LUZP2: variants seen among roughly 807,000 people sequenced by gnomAD.
LUZP2 encodes leucine zipper protein 2.
LUZP2 carries 52 observed loss-of-function variants against 51.6 expected under a neutral mutation model. The ratio of observed to expected loss-of-function variants is 1.01; its 90% CI spans 0.81 to 1.27. The LOEUF (loss-of-function observed/expected upper bound fraction) is 1.27, where lower values mean the gene tolerates loss of function less well. Among genes scored for constraint, LUZP2 ranks in the 50% most tolerant of loss-of-function variants. The pLI is 0.00. For synonymous variants in LUZP2, 154 were observed against 137.3 expected (o/e 1.12, Z -0.85); for missense variants, 436 against 395.4 (o/e 1.10, Z -0.87).
intron 5 of LUZP2, among the ~76,000 whole-genome samples, chr11:24,833,097 T>A (rs2134182764): frequency 6.6e-6 from 1 of 152,316 alleles, no homozygotes; most frequent in Middle Eastern, 3.4e-3. Flanking sequence ...CTACTTTGAT[T>A]TTGTATTTAC....
chr11:24,890,289 T>C (rs1852804529), intron 5 of LUZP2, among the ~76,000 whole-genome samples: 1 of 152,192 alleles, frequency 6.6e-6, no homozygotes, highest in Non-Finnish European at 1.5e-5. Context: ...AAAATAATTA[T>C]TCTACTGTTT....
intron 5 of LUZP2, among the ~76,000 whole-genome samples, chr11:24,898,040 A>G (rs576582378): frequency 6.6e-6 from 1 of 152,336 alleles, no homozygotes; most frequent in South Asian, 2.1e-4. Flanking sequence ...ACAGATGCCT[A>G]GTAACATATA....
At chr11:24,914,197 G>A (rs1853726932) in intron 6 of LUZP2, among the ~76,000 whole-genome samples, 1 of 152,188 alleles carries the variant, frequency 6.6e-6, no homozygotes, top group African/African-American at 2.4e-5. Flanking sequence ...CTGGGTGACA[G>A]AAATTTTGTG....
chr11:24,768,446 C>T (rs1313130458), intron 5 of LUZP2, among the ~76,000 whole-genome samples: 1 of 152,152 alleles, frequency 6.6e-6, no homozygotes, highest in African/African-American at 2.4e-5. Flanking sequence ...GGATAATGTT[C>T]AGGGCTTTTG....
At chr11:24,730,611 G>A (rs1406349553) in intron 2 of LUZP2, among the ~76,000 whole-genome samples, 1 of 151,744 alleles carries the variant, frequency 6.6e-6, no homozygotes, top group African/African-American at 2.4e-5. Flanking sequence ...GAATAAGACT[G>A]GGAAGAATAC....
intron 1 of LUZP2, among the ~76,000 whole-genome samples, chr11:24,666,523 T>C (rs1856217467): frequency 6.6e-6 from 1 of 152,182 alleles, no homozygotes; most frequent in Non-Finnish European, 1.5e-5. Flanking sequence ...AGACCTCCAT[T>C]GAAAATAGCT....
intron 1 of LUZP2, among the ~76,000 whole-genome samples, chr11:24,513,321 A>G (rs1007775129): frequency 6.6e-6 from 1 of 152,198 alleles, no homozygotes; most frequent in African/African-American, 2.4e-5. Flanking sequence ...AAACATCTAT[A>G]TTTGAAAGAA....
At chr11:24,880,896 C>T (rs1049292054) in intron 5 of LUZP2, among the ~76,000 whole-genome samples, 4 of 152,084 alleles carry the variant, frequency 2.6e-5, no homozygotes, top group African/African-American at 9.7e-5. Context: ...CTATTGCAGG[C>T]AGTAATATGT....
intron 9 of LUZP2, among the ~76,000 whole-genome samples, chr11:25,019,211 G>A (rs545236611): frequency 8.6e-5 from 13 of 151,886 alleles, no homozygotes; most frequent in South Asian, 4.1e-4. Flanking sequence ...ATTTATCTTC[G>A]TTATACATGA....
intron 1 of LUZP2, among the ~76,000 whole-genome samples, chr11:24,686,934 T>C (rs906450750): frequency 6.6e-6 from 1 of 152,138 alleles, no homozygotes; most frequent in Non-Finnish European, 1.5e-5. Context: ...TTAGCAATCA[T>C]TTGACCACTG....
intron 1 of LUZP2, among the ~76,000 whole-genome samples, chr11:24,652,628 T>C (rs1436485158): frequency 6.6e-6 from 1 of 152,154 alleles, no homozygotes; most frequent in African/African-American, 2.4e-5. Flanking sequence ...TTCAGTATTC[T>C]AGATGAAGGT....
chr11:25,056,019 CAAT>C (rs1473555052), intron 10 of LUZP2, among the ~76,000 whole-genome samples: 1 of 152,058 alleles, frequency 6.6e-6, no homozygotes, highest in African/African-American at 2.4e-5. Flanking sequence ...CAAAAAACCT[CAAT>C]AAGTATTTTG....
intron 5 of LUZP2, among the ~76,000 whole-genome samples, chr11:24,803,941 G>A (rs2134121600): frequency 6.8e-6 from 1 of 147,708 alleles, no homozygotes; most frequent in African/African-American, 2.5e-5. Context: ...GGAAACATAG[G>A]AGATTAGAAT....
At chr11:24,826,448 T>C (rs2134169239) in intron 5 of LUZP2, among the ~76,000 whole-genome samples, 1 of 151,798 alleles carries the variant, frequency 6.6e-6, no homozygotes, top group East Asian at 1.9e-4. Context: ...ACACACTATG[T>C]CGAGCCTTCC....
intron 1 of LUZP2, among the ~76,000 whole-genome samples, chr11:24,526,422 G>A (rs549089256): frequency 2.0e-4 from 30 of 148,094 alleles, no homozygotes; most frequent in African/African-American, 7.1e-4. Flanking sequence ...ATTAAACTTT[G>A]GATTTGGGAT....
At chr11:25,001,846 T>C (rs981141857) in intron 9 of LUZP2, among the ~76,000 whole-genome samples, 16 of 151,528 alleles carry the variant, frequency 1.1e-4, no homozygotes, top group East Asian at 1.9e-4. Context: ...TGTTTCTTCC[T>C]CTCTCTCTCT....
chr11:24,764,195 G>A (rs1317830329), intron 5 of LUZP2, among the ~76,000 whole-genome samples: 3 of 152,144 alleles, frequency 2.0e-5, no homozygotes, highest in Admixed American at 2.0e-4. Context: ...ATATGCACAT[G>A]CACACGTGCG....
At chr11:24,892,463 A>T (rs1040869696) in intron 5 of LUZP2, 4 of 856,604 alleles carry the variant, frequency 4.7e-6, no homozygotes, top group Non-Finnish European at 5.6e-6. Flanking sequence ...TACCATCCAG[A>T]AAAAGTTAAA....
intron 1 of LUZP2, among the ~76,000 whole-genome samples, chr11:24,682,653 CAT>C (rs1856780507): frequency 6.7e-6 from 1 of 148,976 alleles, no homozygotes; most frequent in Non-Finnish European, 1.5e-5. Flanking sequence ...CACACACACA[CAT>C]ACACATATAT....
Sources: allele counts gnomAD v4.1 joint callset (sites outside exome capture counted in the v4.1 genomes callset), GRCh38; gene constraint gnomAD v4.1.1; transcripts MANE v1.5; gene names NCBI Gene and HGNC (gene_info 2026-07-23, HGNC 2026-07-21).